Variants in ZBTB20 observed in about 807,000 individuals in gnomAD.
The protein encoded by ZBTB20 is zinc finger and BTB domain-containing protein 20.
ZBTB20 carries 9 observed loss-of-function variants against 56.9 expected under a neutral mutation model. The observed-to-expected ratio is 0.16, with a 90% confidence interval of 0.10 to 0.28. The LOEUF is 0.28. ZBTB20 is among the 10% of genes least tolerant of loss of function. ZBTB20 has a pLI of 1.00. For missense variants in ZBTB20, 655 were observed against 1,003.0 expected (o/e 0.65, Z 4.69); for synonymous variants, 417 against 420.7 (o/e 0.99, Z 0.11).
intron 6 of ZBTB20, among the ~76,000 whole-genome samples, chr3:114,634,617 T>C (rs2059152424): frequency 6.6e-6 from 1 of 152,168 alleles, no homozygotes; most frequent in South Asian, 2.1e-4. Context: ...TATATTCAGA[T>C]TGTAGCTAAG....
At chr3:115,118,703 ATTTTTTTT>A (rs35607205) in intron 1 of ZBTB20, among the ~76,000 whole-genome samples, 46 of 82,214 alleles carry the variant, frequency 5.6e-4, no homozygotes, top group African/African-American at 2.1e-3. Context: ...CCTGGTACAA[ATTTTTTTT>A]TTTTTTTTTT....
intron 1 of ZBTB20, among the ~76,000 whole-genome samples, chr3:115,079,130 G>A (rs1425478709): frequency 6.6e-6 from 1 of 152,018 alleles, no homozygotes; most frequent in Non-Finnish European, 1.5e-5. Context: ...TTAGTACACT[G>A]TTCACTAAGA....
chr3:114,488,501 G>C (rs140457856), intron 7 of ZBTB20, among the ~76,000 whole-genome samples: 4 of 152,146 alleles, frequency 2.6e-5, no homozygotes, highest in Non-Finnish European at 5.9e-5. Context: ...AAAGTTTTCA[G>C]GCTTTGGTTT....
At chr3:114,760,838 G>T (rs1017152271) in intron 5 of ZBTB20, among the ~76,000 whole-genome samples, 1 of 152,046 alleles carries the variant, frequency 6.6e-6, no homozygotes, top group Non-Finnish European at 1.5e-5. Flanking sequence ...TACTGCTTCT[G>T]TTTTCACTGT....
At chr3:114,935,045 T>C (rs1388583627) in intron 3 of ZBTB20, among the ~76,000 whole-genome samples, 1 of 152,152 alleles carries the variant, frequency 6.6e-6, no homozygotes, top group Non-Finnish European at 1.5e-5. Context: ...CATCAAAAAA[T>C]GAACCATCAA....
At chr3:114,990,009 T>C (rs6776219) in intron 2 of ZBTB20, among the ~76,000 whole-genome samples, 21,131 of 152,006 alleles carry the variant, frequency 0.14, 3,361 homozygotes, top group African/African-American at 0.39. Flanking sequence ...TGGGCTGAGA[T>C]GATGGGGTTT....
At chr3:115,056,793 T>A (rs761691023) in intron 2 of ZBTB20, among the ~76,000 whole-genome samples, 1 of 152,128 alleles carries the variant, frequency 6.6e-6, no homozygotes, top group Non-Finnish European at 1.5e-5. Flanking sequence ...TAAGTGGTTA[T>A]CCATATTTCA....
chr3:114,350,529 C>A lies in ZBTB20; in HGVS notation c.1549G>T (p.Ala517Ser). ...YLPALFTTQP[A>S]GSGPKPFLFS... The stretch of plus-strand genomic sequence containing the variant: ...AGGAAAGGCTTGGGGCCACTGCCCG[C>A]GGGCTGGGTAGTGAAGAGGGCTGGC... Residue 517 changes from alanine to serine, a missense_variant, in exon 11 of 12, where the codon GCG becomes TCG. Coordinates refer to ENST00000675478, the MANE Select transcript of ZBTB20 (RefSeq NM_001348800.3). 1 of 1,614,038 alleles carries A rather than the reference C, an allele frequency of 6.2e-7. No individual in the cohort carries two copies. The highest frequency in any genetic ancestry group is 8.5e-7 in the Non-Finnish European group (1 of 1,179,992).
intron 2 of ZBTB20, among the ~76,000 whole-genome samples, chr3:114,977,061 A>C (rs1003089344): frequency 2.0e-5 from 3 of 152,222 alleles, no homozygotes; most frequent in Non-Finnish European, 1.5e-5. Flanking sequence ...AGGGCCAAGA[A>C]GTCATAGATA....
At chr3:114,416,463 GT>G (rs1237164150) in intron 7 of ZBTB20, among the ~76,000 whole-genome samples, 1 of 151,908 alleles carries the variant, frequency 6.6e-6, no homozygotes, top group Non-Finnish European at 1.5e-5. Flanking sequence ...ACAGGGTTTT[GT>G]TTTGTTTTGG....
intron 5 of ZBTB20, among the ~76,000 whole-genome samples, chr3:114,725,293 T>G (rs1470643361): frequency 6.6e-6 from 1 of 152,214 alleles, no homozygotes; most frequent in Non-Finnish European, 1.5e-5. Flanking sequence ...CAATTATCAT[T>G]TAGCCACTAA....
chr3:114,902,814 C>A (rs1351714485), intron 3 of ZBTB20, among the ~76,000 whole-genome samples: 1 of 152,126 alleles, frequency 6.6e-6, no homozygotes. Flanking sequence ...AAGTTAGTTA[C>A]TGGTTAATCC....
chr3:114,405,589 A>C (rs1355777215), intron 7 of ZBTB20, among the ~76,000 whole-genome samples: 1 of 152,150 alleles, frequency 6.6e-6, no homozygotes, highest in Non-Finnish European at 1.5e-5. Flanking sequence ...TTTATATATC[A>C]ATATATACAA....
chr3:114,401,458 T>G (rs1427384387), intron 7 of ZBTB20, among the ~76,000 whole-genome samples: 1 of 152,256 alleles, frequency 6.6e-6, no homozygotes, highest in South Asian at 2.1e-4. Context: ...TTCAAAGGAT[T>G]TTTTTTGTCC....
intron 7 of ZBTB20, among the ~76,000 whole-genome samples, chr3:114,411,244 A>G (rs1425072269): frequency 2.6e-5 from 4 of 152,194 alleles, no homozygotes; most frequent in Non-Finnish European, 5.9e-5. Flanking sequence ...GAGCTCTGGC[A>G]GGGTCATCAC....
chr3:115,107,521 A>C (rs1202709145), intron 1 of ZBTB20, among the ~76,000 whole-genome samples: 7 of 152,224 alleles, frequency 4.6e-5, no homozygotes, highest in Admixed American at 6.5e-5. Context: ...GCGAGGCTGC[A>C]AAGAAATATG....
intron 5 of ZBTB20, among the ~76,000 whole-genome samples, chr3:114,792,913 T>C (rs1450369245): frequency 1.3e-5 from 2 of 150,164 alleles, no homozygotes; most frequent in Non-Finnish European, 3.0e-5. Context: ...TCTTGCTTTG[T>C]TGCCCAGGCT....
intron 5 of ZBTB20, among the ~76,000 whole-genome samples, chr3:114,700,358 G>T (rs1034288979): frequency 2.6e-5 from 4 of 151,980 alleles, no homozygotes; most frequent in Non-Finnish European, 4.4e-5. Context: ...TAGGCCTTTG[G>T]TTTATATTTA....
intron 10 of ZBTB20, among the ~76,000 whole-genome samples, chr3:114,369,737 C>T (rs1224878824): frequency 2.0e-5 from 3 of 152,144 alleles, no homozygotes; most frequent in East Asian, 3.9e-4. Flanking sequence ...TTGAGAACAA[C>T]ACATAGGTTT....
Sources: allele counts gnomAD v4.1 joint callset (sites outside exome capture counted in the v4.1 genomes callset), GRCh38; gene constraint gnomAD v4.1.1; transcripts MANE v1.5; gene names NCBI Gene and HGNC (gene_info 2026-07-23, HGNC 2026-07-21).